The following LSAMP variants were observed in gnomAD, a reference collection of about 807,000 sequenced individuals.
The protein encoded by LSAMP is limbic system associated membrane protein, also known as limbic system-associated membrane protein.
In LSAMP, 7 loss-of-function variants were observed where a neutral mutation model predicts 38.6. The observed-to-expected ratio is 0.18, with a 90% CI of 0.10 to 0.34. The LOEUF (loss-of-function observed/expected upper bound fraction) is 0.34, where lower values mean the gene tolerates loss of function less well. Among genes scored for constraint, LSAMP ranks in the 10% least tolerant of loss-of-function variants. LSAMP has a pLI of 1.00. For missense variants in LSAMP, 313 were observed against 420.0 expected (o/e 0.75, Z 2.23); for synonymous variants, 154 against 166.8 (o/e 0.92, Z 0.59).
intron 1 of LSAMP, among the ~76,000 whole-genome samples, chr3:116,197,708 A>T (rs915066592): frequency 9.2e-5 from 14 of 152,158 alleles, no homozygotes; most frequent in Admixed American, 7.2e-4. Context: ...GCGGAAGAAC[A>T]CTGGGAAACT....
At chr3:116,267,341 GA>G (rs2046905679) in intron 1 of LSAMP, among the ~76,000 whole-genome samples, 1 of 152,136 alleles carries the variant, frequency 6.6e-6, no homozygotes, top group African/African-American at 2.4e-5. Context: ...AGTATGGAAT[GA>G]ATTTTGCAGC....
At chr3:116,163,872 AAC>A (rs1215722098) in intron 1 of LSAMP, among the ~76,000 whole-genome samples, 2 of 152,002 alleles carry the variant, frequency 1.3e-5, no homozygotes, top group East Asian at 1.9e-4. Flanking sequence ...TCCTTAAAAA[AAC>A]ACAAAAAAAA....
At chr3:116,294,785 A>G (rs1371546680) in intron 1 of LSAMP, among the ~76,000 whole-genome samples, 4 of 152,214 alleles carry the variant, frequency 2.6e-5, no homozygotes, top group African/African-American at 9.6e-5. Context: ...ATGAAATAAC[A>G]TAGGTAACCT....
rs138743463 is a variant in LSAMP at position 115,980,100 on chromosome 3, T to G, written c.514+39415A>C. 1.9e-3 allele frequency among the ~76,000 whole-genome samples: 296 copies of G among 152,222 alleles called. 4 individuals carry two copies. The highest frequency in any genetic ancestry group is 0.018 in the Admixed American group (269 of 15,294). ...TTTATTATTAAAAAAATACTTAAGA[T>G]ACCCCATTGCATTCTGAGAGTTTAA... On this transcript the variant is annotated intron_variant, in intron 3 of 6. Coordinates refer to ENST00000490035, the MANE Select transcript of LSAMP (RefSeq NM_002338.5).
At chr3:116,149,164 C>T (rs1041105826) in intron 1 of LSAMP, among the ~76,000 whole-genome samples, 8 of 151,888 alleles carry the variant, frequency 5.3e-5, no homozygotes, top group African/African-American at 1.7e-4. Context: ...CACAGTATGG[C>T]CCTCATGCCC....
intron 1 of LSAMP, among the ~76,000 whole-genome samples, chr3:116,103,633 C>T (rs1012388508): frequency 1.4e-5 from 2 of 139,784 alleles, no homozygotes; most frequent in South Asian, 2.2e-4. Context: ...ATTTATATAT[C>T]CTTCCCTTTT....
At chr3:116,277,827 C>T (rs1656089931) in intron 1 of LSAMP, among the ~76,000 whole-genome samples, 1 of 152,166 alleles carries the variant, frequency 6.6e-6, no homozygotes, top group African/African-American at 2.4e-5. Flanking sequence ...CCATGAGAGA[C>T]TCAGCCTGCT....
At chr3:115,894,802 C>T (rs545614909) in intron 3 of LSAMP, among the ~76,000 whole-genome samples, 2 of 152,164 alleles carry the variant, frequency 1.3e-5, no homozygotes, top group Admixed American at 1.3e-4. Context: ...TTTCCTCCCT[C>T]TTCCCACTGC....
In LSAMP at chr3:116,250,776, A is replaced by AG. The variant is rs563327935; in HGVS notation, c.156-164221dup. On this transcript the variant is annotated intron_variant, in intron 1 of 6. Transcript: ENST00000490035. ...TCCCAGTGCCTCAAGAGGCTGAGGT[A>AG]GGGGATCACTTGGGCCTGGGAGGTG... Among the ~76,000 whole-genome samples, 15 of 151,844 alleles carry AG rather than the reference A, an allele frequency of 9.9e-5. No individual in the cohort carries two copies. In the East Asian group the frequency reaches 2.5e-3, roughly 26 times the overall value.
chr3:116,280,944 A>G (rs1439066349), intron 1 of LSAMP, among the ~76,000 whole-genome samples: 1 of 152,214 alleles, frequency 6.6e-6, no homozygotes, highest in Non-Finnish European at 1.5e-5. Flanking sequence ...AAGACATTGA[A>G]CACACAAATG....
chr3:116,187,398 A>G (rs1710645156), intron 1 of LSAMP, among the ~76,000 whole-genome samples: 1 of 152,196 alleles, frequency 6.6e-6, no homozygotes, highest in African/African-American at 2.4e-5. Context: ...CTGCTTTTCA[A>G]TACTAGCTAT....
chr3:115,819,739 G>T (rs1383051233), intron 6 of LSAMP, among the ~76,000 whole-genome samples: 1 of 152,194 alleles, frequency 6.6e-6, no homozygotes, highest in African/African-American at 2.4e-5. Flanking sequence ...CCAGTTAAAT[G>T]TTAAGTACTC....
chr3:116,114,382 A>C (rs558120086), intron 1 of LSAMP, among the ~76,000 whole-genome samples: 70 of 152,318 alleles, frequency 4.6e-4, no homozygotes, highest in African/African-American at 1.6e-3. Flanking sequence ...TAGGCAGTAC[A>C]TGGGTTGGAA....
At chr3:115,873,799 A>G (rs1406122971) in intron 3 of LSAMP, among the ~76,000 whole-genome samples, 1 of 152,148 alleles carries the variant, frequency 6.6e-6, no homozygotes, top group Non-Finnish European at 1.5e-5. Flanking sequence ...CAGGTATCAC[A>G]TCTGTAAGTA....
intron 3 of LSAMP, among the ~76,000 whole-genome samples, chr3:115,936,592 G>A (rs1275251963): frequency 6.6e-6 from 1 of 152,112 alleles, no homozygotes; most frequent in Non-Finnish European, 1.5e-5. Flanking sequence ...CTATTCCTGA[G>A]TTAAGGAGGA....
chr3:116,226,445 G>T (rs563773152), intron 1 of LSAMP, among the ~76,000 whole-genome samples: 7 of 152,282 alleles, frequency 4.6e-5, no homozygotes, highest in Non-Finnish European at 2.9e-5. Flanking sequence ...GAGGGATAAA[G>T]CCATCTGTTT....
At chr3:116,319,805 T>G (rs1049747264) in intron 1 of LSAMP, among the ~76,000 whole-genome samples, 4 of 135,140 alleles carry the variant, frequency 3.0e-5, no homozygotes, top group African/African-American at 1.3e-4. Flanking sequence ...TTTTTTTTTG[T>G]TTTTTTTTTT....
chr3:116,175,723 A>G (rs1035325147), intron 1 of LSAMP, among the ~76,000 whole-genome samples: 13 of 152,092 alleles, frequency 8.5e-5, no homozygotes, highest in African/African-American at 3.1e-4. Context: ...TCTTAAAAAA[A>G]GAGACTGGGT....
intron 1 of LSAMP, among the ~76,000 whole-genome samples, chr3:116,328,037 C>T (rs781563195): frequency 5.3e-5 from 8 of 152,094 alleles, no homozygotes; most frequent in Non-Finnish European, 1.0e-4. Context: ...CTTTCTACTG[C>T]ATTGTCTATA....
Sources: allele counts gnomAD v4.1 joint callset (sites outside exome capture counted in the v4.1 genomes callset), GRCh38; gene constraint gnomAD v4.1.1; transcripts MANE v1.5; gene names NCBI Gene and HGNC (gene_info 2026-07-23, HGNC 2026-07-21).